Variants in CCDC60 observed in about 807,000 individuals in gnomAD.
CCDC60 encodes coiled-coil domain-containing protein 60.
CCDC60 carries 54 observed loss-of-function variants against 63.5 expected under a neutral mutation model. The ratio of observed to expected loss-of-function variants is 0.85; its 90% CI spans 0.68 to 1.07. The LOEUF (loss-of-function observed/expected upper bound fraction) is 1.07. Ranked by LOEUF, CCDC60 falls within the 50% of genes least tolerant of loss-of-function variation. CCDC60 has a pLI of 0.00. For synonymous variants in CCDC60, 206 were observed against 238.8 expected (o/e 0.86, Z 1.27); for missense variants, 651 against 684.3 (o/e 0.95, Z 0.54).
Position 119,471,974 on chromosome 12 carries a change from TC to T in CCDC60, c.171-18del, listed in dbSNP as rs1951070177. ...CCCACCTTCCTCCCTCTCTCCCTCT[TC>T]CTCCCTGCATGTCTCCAGCTTTTTG... is the stretch of plus-strand genomic sequence containing the variant. On this transcript the variant is annotated intron_variant, in intron 2 of 13. Transcript: ENST00000327554. 1.2e-6 allele frequency: 2 copies of T among 1,608,000 alleles called. No individual in the cohort carries two copies. Among genetic ancestry groups the T allele is most frequent in the Non-Finnish European group, 1.7e-6 (2 of 1,176,490 alleles).
At chr12:119,518,052 C>A (rs546622594) in intron 8 of CCDC60, among the ~76,000 whole-genome samples, 1 of 152,250 alleles carries the variant, frequency 6.6e-6, no homozygotes, top group South Asian at 2.1e-4. Flanking sequence ...CAGTTCACTG[C>A]GCACTTTCAC....
Position 119,445,399 on chromosome 12 carries a change from A to T in CCDC60, c.170+16637A>T, listed in dbSNP as rs1950523797. ...CAGTGAGCCGGGATCACACCACTGC[A>T]CTCCAGCCTGAGTGACAGAGCGAGA... On this transcript the variant is annotated intron_variant, in intron 2 of 13. Coordinates refer to ENST00000327554, the MANE Select transcript of CCDC60 (RefSeq NM_178499.5). 3.7e-5 allele frequency among the ~76,000 whole-genome samples: 5 copies of T among 134,238 alleles called. No individual in the cohort carries two copies. The Admixed American group carries it at 4.5e-4, about 12-fold the overall frequency. The allele number at this position is 134,238 out of a possible 152,430, so 88.1% of individuals were successfully genotyped here. A position where few individuals can be genotyped will look rare whatever the true frequency, so the allele number is the denominator to read the frequency against.
At chr12:119,539,408 G>A (rs1386213359) in intron 13 of CCDC60, among the ~76,000 whole-genome samples, 2 of 152,238 alleles carry the variant, frequency 1.3e-5, no homozygotes, top group African/African-American at 4.8e-5. Context: ...GGAATCTAGA[G>A]AGGCAGTTTG....
intron 2 of CCDC60, among the ~76,000 whole-genome samples, chr12:119,466,898 G>A (rs1950963412): frequency 6.6e-6 from 1 of 150,604 alleles, no homozygotes; most frequent in African/African-American, 2.4e-5. Flanking sequence ...GCTAAAACAG[G>A]GACAGGGAAG....
At chr12:119,505,372 C>T in intron 7 of CCDC60, 69 bp downstream of exon 7, 2 of 1,047,768 alleles carry the variant, frequency 1.9e-6, no homozygotes, top group African/African-American at 1.6e-5. Flanking sequence ...TCAAGAAACC[C>T]TCCTGCCTCA....
intron 5 of CCDC60, among the ~76,000 whole-genome samples, chr12:119,497,321 T>A (rs1951735672): frequency 6.6e-6 from 1 of 152,186 alleles, no homozygotes; most frequent in African/African-American, 2.4e-5. Flanking sequence ...CTTAGGTGGT[T>A]TTATTTTTTT....
chr12:119,344,392 C>T (rs1350044118), intron 1 of CCDC60, among the ~76,000 whole-genome samples: 1 of 152,162 alleles, frequency 6.6e-6, no homozygotes, highest in Non-Finnish European at 1.5e-5. Flanking sequence ...CCCAGTTGTT[C>T]AAGTAGAAAC....
At chr12:119,423,937 C>A (rs1047629334) in intron 1 of CCDC60, among the ~76,000 whole-genome samples, 1 of 152,072 alleles carries the variant, frequency 6.6e-6, no homozygotes, top group African/African-American at 2.4e-5. Context: ...ACTTTGCCTG[C>A]CTTGAGAGAA....
intron 8 of CCDC60, among the ~76,000 whole-genome samples, chr12:119,517,013 G>C (rs186818773): frequency 9.0e-4 from 137 of 152,134 alleles, no homozygotes; most frequent in African/African-American, 3.2e-3. Flanking sequence ...TCTGAGACAG[G>C]GTCTCGCTCT....
At position 119,531,049 on chromosome 12, in the gene CCDC60, G is replaced by A. The variant is rs146708667; in HGVS notation, c.1537G>A (p.Ala513Thr). The A allele has an allele frequency of 9.3e-6, 15 of 1,613,526 alleles. No individual in the cohort carries two copies. The East Asian group carries it at 2.0e-4, about 22-fold the overall frequency. Reference sequence around the variant, plus strand: ...TTGGGAACTGTGCTCCCCTGACATCGCTGTGGCTATTGAGGTAAACACCAC... The same window carrying A: ...TTGGGAACTGTGCTCCCCTGACATCACTGTGGCTATTGAGGTAAACACCAC... ...RIWELCSPDI[A>T]VAIEFVREHI... The change falls in exon 13 of 14, where the codon GCT (alanine) becomes ACT (threonine). Residue 513 changes from alanine to threonine, a missense_variant. Transcript: ENST00000327554.
At chr12:119,528,795 T>C in intron 12 of CCDC60, 49 bp downstream of exon 12, 1 of 1,570,916 alleles carries the variant, frequency 6.4e-7, no homozygotes, top group Non-Finnish European at 8.7e-7. Context: ...GAGAACAGGG[T>C]GTTGTTATTA....
chr12:119,398,494 G>C (rs1956327226), intron 1 of CCDC60, among the ~76,000 whole-genome samples: 1 of 152,216 alleles, frequency 6.6e-6, no homozygotes, highest in Non-Finnish European at 1.5e-5. Context: ...CCACAGTGCA[G>C]CTCAGGCTGA....
chr12:119,477,783 T>G (rs755607387), intron 3 of CCDC60, among the ~76,000 whole-genome samples: 31 of 152,230 alleles, frequency 2.0e-4, no homozygotes, highest in Non-Finnish European at 4.1e-4. Context: ...CCATCATTCT[T>G]GTGTAGAAAC....
intron 1 of CCDC60, among the ~76,000 whole-genome samples, chr12:119,346,851 G>C (rs1314741644): frequency 7.8e-6 from 1 of 127,620 alleles, no homozygotes. Flanking sequence ...TTGAGACAGA[G>C]TCTTGCTCTG....
At chr12:119,466,784 T>C (rs551083163) in intron 2 of CCDC60, among the ~76,000 whole-genome samples, 4 of 152,288 alleles carry the variant, frequency 2.6e-5, no homozygotes, top group South Asian at 2.1e-4. Flanking sequence ...GTTATGTGAG[T>C]AATAACCCAT....
intron 2 of CCDC60, among the ~76,000 whole-genome samples, chr12:119,454,384 A>C (rs1283740129): frequency 6.6e-6 from 1 of 152,150 alleles, no homozygotes; most frequent in Non-Finnish European, 1.5e-5. Context: ...CCATCACTAT[A>C]GAGAGAAACC....
At chr12:119,525,214 T>C (rs1952651014) in intron 11 of CCDC60, among the ~76,000 whole-genome samples, 1 of 152,184 alleles carries the variant, frequency 6.6e-6, no homozygotes, top group African/African-American at 2.4e-5. Flanking sequence ...GCTGAACAAC[T>C]TGGAAAATAT....
rs537781781 is a variant in CCDC60, at chr12:119,417,893, C to T, written c.91-10790C>T. On this transcript the variant is annotated intron_variant, in intron 1 of 13. Coordinates refer to ENST00000327554, the MANE Select transcript of CCDC60 (RefSeq NM_178499.5). ...CCCTTCCTTTATTCCCAAAGCACGG[C>T]TTCCATAAGGCAGTCCTGCTTCACT... is the stretch of plus-strand genomic sequence containing the variant. Among the ~76,000 whole-genome samples the T allele has an allele frequency of 2.0e-4, 31 of 152,270 alleles. No individual in the cohort carries two copies. The South Asian group carries it at 4.4e-3, about 21-fold the overall frequency.
chr12:119,538,605 T>A (rs923863262), intron 13 of CCDC60, among the ~76,000 whole-genome samples: 1 of 152,168 alleles, frequency 6.6e-6, no homozygotes, highest in African/African-American at 2.4e-5. Context: ...TTTTTAGAGG[T>A]TCTTGGCTTC....
Sources: allele counts gnomAD v4.1 joint callset (sites outside exome capture counted in the v4.1 genomes callset), GRCh38; gene constraint gnomAD v4.1.1; transcripts MANE v1.5; gene names NCBI Gene and HGNC (gene_info 2026-07-23, HGNC 2026-07-21).